The following TAPT1 variants were observed in gnomAD, a reference collection of about 807,000 sequenced individuals.
TAPT1 encodes the protein transmembrane anterior posterior transformation protein 1 homolog.
A neutral mutation model predicts 65.6 loss-of-function variants in TAPT1; 28 were observed. That is an observed-to-expected ratio of 0.43 (90% CI 0.32 to 0.59). The LOEUF (loss-of-function observed/expected upper bound fraction) is 0.59, where lower values mean the gene tolerates loss of function less well. TAPT1 is among the 20% of genes least tolerant of loss of function. TAPT1 has a pLI of 0.09. For missense variants in TAPT1, 563 were observed against 679.9 expected, an observed-to-expected ratio of 0.83 and a Z score of 1.91; for synonymous variants, 278 against 245.2, an observed-to-expected ratio of 1.13 and a Z score of -1.25.
intron 1 of TAPT1, among the ~76,000 whole-genome samples, chr4:16,220,680 C>T (rs146247832): frequency 0.022 from 3,372 of 149,956 alleles, 129 homozygotes; most frequent in African/African-American, 0.078. Flanking sequence ...ACCCAGGAGG[C>T]GGAGGTTGCA....
intron 4 of TAPT1, among the ~76,000 whole-genome samples, chr4:16,189,016 T>C (rs141065864): frequency 6.6e-6 from 1 of 152,276 alleles, no homozygotes; most frequent in East Asian, 1.9e-4. Context: ...TTAGGACAAA[T>C]ATATCATTTG....
intron 4 of TAPT1, among the ~76,000 whole-genome samples, chr4:16,189,782 C>T (rs777139799): frequency 3.9e-5 from 6 of 152,090 alleles, no homozygotes; most frequent in African/African-American, 7.2e-5. Context: ...TCCTTTTTCT[C>T]GGCCTATTTT....
chr4:16,199,551 A>C (rs1578457071), intron 3 of TAPT1, among the ~76,000 whole-genome samples: 1 of 152,220 alleles, frequency 6.6e-6, no homozygotes, highest in Admixed American at 6.5e-5. Flanking sequence ...AAGATTTCCC[A>C]GTTCCCTGTA....
chr4:16,204,166 GCAGAAACTGC>G (rs1312455280), intron 2 of TAPT1, among the ~76,000 whole-genome samples: 1 of 152,186 alleles, frequency 6.6e-6, no homozygotes, highest in Non-Finnish European at 1.5e-5. Context: ...AGTACTGAGG[GCAGAAACTGC>G]CAGAAACCTG....
chr4:16,221,270 C>T (rs62288992), intron 1 of TAPT1, among the ~76,000 whole-genome samples: 5 of 151,972 alleles, frequency 3.3e-5, no homozygotes, highest in South Asian at 2.1e-4. Flanking sequence ...GGATTACAGG[C>T]GCACACCTCC....
intron 1 of TAPT1, 25 bp downstream of exon 1, chr4:16,226,234 C>G: frequency 9.0e-7 from 1 of 1,109,896 alleles, no homozygotes; most frequent in South Asian, 4.3e-5. Context: ...CGGAGCCCGC[C>G]ACGGCCTAGC....
intron 2 of TAPT1, among the ~76,000 whole-genome samples, chr4:16,210,032 T>C (rs894027536): frequency 3.3e-5 from 5 of 152,196 alleles, no homozygotes; most frequent in African/African-American, 1.2e-4. Flanking sequence ...AACTGTAGGC[T>C]TCAGGCATGT....
intron 3 of TAPT1, chr4:16,196,660 C>A (rs1388905407): frequency 7.8e-7 from 1 of 1,287,492 alleles, no homozygotes; most frequent in Non-Finnish European, 1.0e-6. Flanking sequence ...TTACTCACCA[C>A]AAGGAGTCCC....
chr4:16,226,173 G>T, intron 1 of TAPT1, 86 bp downstream of exon 1: 1 of 1,057,998 alleles, frequency 9.5e-7, no homozygotes, highest in Non-Finnish European at 1.1e-6. Flanking sequence ...CGCGGCTCGG[G>T]GGCCGGGGTT....
At chr4:16,220,836 CT>C (rs902032798) in intron 1 of TAPT1, among the ~76,000 whole-genome samples, 17 of 147,190 alleles carry the variant, frequency 1.2e-4, no homozygotes, top group Admixed American at 1.4e-4. Flanking sequence ...TGTGAATTTT[CT>C]TTTTTTTTTG....
At chr4:16,187,217 G>A (rs1749072025) in intron 5 of TAPT1, among the ~76,000 whole-genome samples, 1 of 152,004 alleles carries the variant, frequency 6.6e-6, no homozygotes, top group South Asian at 2.1e-4. Flanking sequence ...TTAAGTAAAT[G>A]GAATAAATTA....
At chr4:16,183,554 T>A (rs1578432037) in intron 7 of TAPT1, among the ~76,000 whole-genome samples, 1 of 152,280 alleles carries the variant, frequency 6.6e-6, no homozygotes, top group Admixed American at 6.5e-5. Flanking sequence ...CATTCACAAT[T>A]TCCCCCTCAT....
chr4:16,183,404 T>A (rs1156401426), intron 7 of TAPT1, among the ~76,000 whole-genome samples: 1 of 152,178 alleles, frequency 6.6e-6, no homozygotes, highest in African/African-American at 2.4e-5. Context: ...TTATATCATT[T>A]TTTTTCCCAG....
At chr4:16,208,093 C>A (rs4698138) in intron 2 of TAPT1, among the ~76,000 whole-genome samples, 60,576 of 151,842 alleles carry the variant, frequency 0.4, 12,287 homozygotes, top group Middle Eastern at 0.48. Flanking sequence ...CATATTTAAC[C>A]CAAGAAATAA....
chr4:16,166,227 G>C (rs1057225676), intron 13 of TAPT1, among the ~76,000 whole-genome samples: 6 of 152,204 alleles, frequency 3.9e-5, no homozygotes, highest in Non-Finnish European at 5.9e-5. Flanking sequence ...CTCACACTTG[G>C]GGGAGGGCCC....
In TAPT1 at chr4:16,209,707, T is replaced by C. The variant is rs538363846; in HGVS notation, c.330+4061A>G. Among the ~76,000 whole-genome samples, 50 of 152,258 alleles carry C rather than the reference T, an allele frequency of 3.3e-4. No homozygotes were observed. The South Asian group carries it at 1.0e-2, about 30-fold the overall frequency. ...AAGGAGAGATCTGTCTGGAAGTCAA[T>C]GAAGAACTGCCACCGTGGGGTGGAC... On this transcript the variant is annotated intron_variant, in intron 2 of 13. Coordinates refer to ENST00000405303, the MANE Select transcript of TAPT1 (RefSeq NM_153365.3).
intron 2 of TAPT1, 22 bp from the exon 3 acceptor site, chr4:16,202,602 A>AC: frequency 6.2e-4 from 790 of 1,272,604 alleles, no homozygotes; most frequent in Non-Finnish European, 7.5e-4. Context: ...CAAGGAGAGA[A>AC]GAAAAAAAAA....
intron 2 of TAPT1, among the ~76,000 whole-genome samples, chr4:16,204,607 T>A (rs1295834730): frequency 6.6e-6 from 1 of 152,254 alleles, no homozygotes. Flanking sequence ...AGAGATCTTT[T>A]CTGGAAGGAC....
chr4:16,203,802 T>A (rs1393657187), intron 2 of TAPT1, among the ~76,000 whole-genome samples: 1 of 152,224 alleles, frequency 6.6e-6, no homozygotes, highest in Non-Finnish European at 1.5e-5. Context: ...AGCAAACAAA[T>A]TCACATGTCT....
Sources: allele counts gnomAD v4.1 joint callset (sites outside exome capture counted in the v4.1 genomes callset), GRCh38; gene constraint gnomAD v4.1.1; transcripts MANE v1.5; gene names NCBI Gene and HGNC (gene_info 2026-07-23, HGNC 2026-07-21).